Variants in CNTNAP2 observed in about 807,000 individuals in gnomAD.
CNTNAP2 encodes the protein contactin associated protein 2.
CNTNAP2 carries 98 observed loss-of-function variants against 155.2 expected under a neutral mutation model. The ratio of observed to expected loss-of-function variants is 0.63; its 90% CI spans 0.54 to 0.75. The LOEUF (loss-of-function observed/expected upper bound fraction) is 0.75. Ranked by LOEUF, CNTNAP2 falls within the 30% of genes least tolerant of loss-of-function variation. CNTNAP2 has a pLI of 0.00. For missense variants in CNTNAP2, 1,727 were observed against 1,688.1 expected, an observed-to-expected ratio of 1.02 and a Z score of -0.40; for synonymous variants, 651 against 631.2, an observed-to-expected ratio of 1.03 and a Z score of -0.47.
chr7:146,789,338 T>C (rs994988629), intron 2 of CNTNAP2, among the ~76,000 whole-genome samples: 1 of 152,192 alleles, frequency 6.6e-6, no homozygotes, highest in African/African-American at 2.4e-5. Context: ...ACTGGTGTTT[T>C]AGAACACAAA....
At chr7:147,584,310 A>T (rs995890) in intron 12 of CNTNAP2, among the ~76,000 whole-genome samples, 104,999 of 152,070 alleles carry the variant, frequency 0.69, 36,825 homozygotes, top group African/African-American at 0.81. Flanking sequence ...AACAATGCAT[A>T]CTTTCAAGTA....
chr7:146,203,027 G>A lies in CNTNAP2; in HGVS notation c.97+86054G>A, dbSNP rs187942177. On this transcript the variant is annotated intron_variant, in intron 1 of 23. Coordinates refer to ENST00000361727, the MANE Select transcript of CNTNAP2 (RefSeq NM_014141.6). Reference sequence around the variant, plus strand: ...AGTTTCTGCAAAAGTTTTTTGTTCTGTGTTGCTTTGTTTTCGTCTCTATAA... The same window carrying A: ...AGTTTCTGCAAAAGTTTTTTGTTCTATGTTGCTTTGTTTTCGTCTCTATAA... Among the ~76,000 whole-genome samples the A allele has an allele frequency of 2.0e-5, 3 of 152,132 alleles. No homozygotes were observed. In the East Asian group the frequency reaches 5.8e-4, roughly 29 times the overall value.
chr7:147,376,147 T>C (rs1287487722), intron 9 of CNTNAP2, among the ~76,000 whole-genome samples: 1 of 152,022 alleles, frequency 6.6e-6, no homozygotes, highest in African/African-American at 2.4e-5. Context: ...TACAAAAACA[T>C]TTATGGATTC....
At chr7:148,022,430 C>G (rs1374794883) in intron 15 of CNTNAP2, among the ~76,000 whole-genome samples, 4 of 147,276 alleles carry the variant, frequency 2.7e-5, no homozygotes, top group Non-Finnish European at 5.9e-5. Context: ...GATCGTGCCA[C>G]TGCCCTCCAG....
At chr7:147,196,912 A>G (rs2116538358) in intron 8 of CNTNAP2, among the ~76,000 whole-genome samples, 1 of 152,208 alleles carries the variant, frequency 6.6e-6, no homozygotes, top group East Asian at 1.9e-4. Flanking sequence ...CCTAATTACT[A>G]CTATACTGCT....
chr7:147,536,565 T>C (rs1799542482), intron 11 of CNTNAP2, among the ~76,000 whole-genome samples: 1 of 152,074 alleles, frequency 6.6e-6, no homozygotes, highest in African/African-American at 2.4e-5. Context: ...CTGGTGCCAC[T>C]TGAGTTTTTG....
At chr7:146,807,791 T>C (rs1271952802) in intron 2 of CNTNAP2, among the ~76,000 whole-genome samples, 1 of 152,080 alleles carries the variant, frequency 6.6e-6, no homozygotes, top group Non-Finnish European at 1.5e-5. Context: ...AAAAAATATA[T>C]ATGTCTCATG....
At chr7:147,768,978 AAG>A (rs1797424975) in intron 13 of CNTNAP2, among the ~76,000 whole-genome samples, 1 of 152,196 alleles carries the variant, frequency 6.6e-6, no homozygotes, top group African/African-American at 2.4e-5. Flanking sequence ...TAGGAGAAAT[AAG>A]AGATTCTTGC....
At chr7:147,623,325 T>A (rs960855156) in intron 12 of CNTNAP2, among the ~76,000 whole-genome samples, 1 of 152,078 alleles carries the variant, frequency 6.6e-6, no homozygotes, top group East Asian at 1.9e-4. Flanking sequence ...TATCCTTGTT[T>A]GCAGATGATA....
At chr7:146,698,726 T>TTC (rs1404846938) in intron 1 of CNTNAP2, among the ~76,000 whole-genome samples, 1 of 151,988 alleles carries the variant, frequency 6.6e-6, no homozygotes, top group Non-Finnish European at 1.5e-5. Context: ...CTCTCTCTCT[T>TTC]TCTCTCTCTC....
chr7:147,949,133 G>A (rs1384346436), intron 14 of CNTNAP2, among the ~76,000 whole-genome samples: 5 of 151,882 alleles, frequency 3.3e-5, no homozygotes, highest in Admixed American at 6.6e-5. Context: ...CCCAAGAGGC[G>A]GAGGTTGCAG....
intron 13 of CNTNAP2, among the ~76,000 whole-genome samples, chr7:147,772,501 A>G (rs1218241455): frequency 7.3e-6 from 1 of 136,206 alleles, no homozygotes; most frequent in Non-Finnish European, 1.6e-5. Flanking sequence ...CAAAAAAAAA[A>G]CCACAAAAGA....
chr7:146,888,715 G>T (rs542548808), intron 3 of CNTNAP2, among the ~76,000 whole-genome samples: 4 of 152,056 alleles, frequency 2.6e-5, no homozygotes, highest in Admixed American at 2.6e-4. Flanking sequence ...AGATGATCTG[G>T]AGGACATTAT....
chr7:148,317,540 T>A (rs1318549612), intron 21 of CNTNAP2, among the ~76,000 whole-genome samples: 1 of 149,682 alleles, frequency 6.7e-6, no homozygotes, highest in East Asian at 2.0e-4. Context: ...TCCAAAAAAA[T>A]ATTTTTAATT....
intron 13 of CNTNAP2, among the ~76,000 whole-genome samples, chr7:147,893,816 G>A (rs73743372): frequency 0.024 from 3,691 of 152,220 alleles, 58 homozygotes; most frequent in South Asian, 0.048. Context: ...GATTCTGTGC[G>A]GATTTTCCAC....
chr7:147,665,375 G>A (rs950091416), intron 13 of CNTNAP2, among the ~76,000 whole-genome samples: 1 of 152,122 alleles, frequency 6.6e-6, no homozygotes, highest in Non-Finnish European at 1.5e-5. Flanking sequence ...GGATATTTGG[G>A]TTGCTTCTAG....
chr7:147,941,965 C>T (rs1185565492), intron 14 of CNTNAP2, among the ~76,000 whole-genome samples: 1 of 152,164 alleles, frequency 6.6e-6, no homozygotes, highest in East Asian at 1.9e-4. Flanking sequence ...ACCTAAGAAC[C>T]TAATAACTGA....
intron 8 of CNTNAP2, among the ~76,000 whole-genome samples, chr7:147,214,376 A>G (rs1339824554): frequency 1.3e-5 from 2 of 152,146 alleles, no homozygotes; most frequent in African/African-American, 4.8e-5. Context: ...GACACTGGCT[A>G]AGTTATTTAA....
At chr7:147,326,394 C>A (rs1456416182) in intron 9 of CNTNAP2, among the ~76,000 whole-genome samples, 3 of 152,122 alleles carry the variant, frequency 2.0e-5, no homozygotes, top group East Asian at 3.8e-4. Flanking sequence ...ATGGTTGAAT[C>A]GTATTTCATT....
Sources: gnomAD v4.1 joint callset for allele counts (sites outside exome capture counted in the v4.1 genomes callset) on GRCh38, gnomAD v4.1.1 for gene constraint, MANE v1.5 for transcripts, NCBI Gene and HGNC (gene_info 2026-07-23, HGNC 2026-07-21) for gene names.